Variants in FUT8 observed in about 807,000 individuals in gnomAD.
The protein encoded by FUT8 is alpha-(1,6)-fucosyltransferase.
FUT8 carries 29 observed loss-of-function variants against 71.3 expected under a neutral mutation model. The observed-to-expected ratio is 0.41, with a 90% CI of 0.30 to 0.55. The LOEUF is 0.55. Among genes scored for constraint, FUT8 ranks in the 20% least tolerant of loss-of-function variants. The pLI is 0.34. For synonymous variants in FUT8, 254 were observed against 239.3 expected, an observed-to-expected ratio of 1.06 and a Z score of -0.57; for missense variants, 544 against 702.1, an observed-to-expected ratio of 0.77 and a Z score of 2.55.
At chr14:65,407,823 G>A (rs1002943491), upstream of FUT8, among the ~76,000 whole-genome samples, 2 of 152,174 alleles carry the variant, frequency 1.3e-5, no homozygotes, top group Non-Finnish European at 2.9e-5. Flanking sequence ...GTCTGCCATC[G>A]CCAGTAGGTT....
intron 7 of FUT8, among the ~76,000 whole-genome samples, chr14:65,699,176 A>ACACACACACACACG (rs1475814150): frequency 6.7e-6 from 1 of 150,028 alleles, no homozygotes; most frequent in African/African-American, 2.5e-5. Flanking sequence ...ACACACACAC[A>ACACACACACACACG]CACACACACA....
At chr14:65,503,688 A>C (rs919081665) in intron 2 of FUT8, among the ~76,000 whole-genome samples, 1 of 151,944 alleles carries the variant, frequency 6.6e-6, no homozygotes, top group Non-Finnish European at 1.5e-5. Flanking sequence ...TTACAGACCT[A>C]GATTTTGAAA....
At chr14:65,718,284 C>G (rs951046661) in intron 7 of FUT8, among the ~76,000 whole-genome samples, 2 of 152,040 alleles carry the variant, frequency 1.3e-5, no homozygotes, top group African/African-American at 4.8e-5. Context: ...TAACTTATAG[C>G]TCGTTATTTT....
intron 2 of FUT8, among the ~76,000 whole-genome samples, chr14:65,493,065 A>G (rs2066505638): frequency 6.6e-6 from 1 of 152,144 alleles, no homozygotes. Flanking sequence ...ACAAGCGTGA[A>G]TCAGTGGCCA....
At chr14:65,650,093 A>G (rs868804717) in intron 6 of FUT8, among the ~76,000 whole-genome samples, 7 of 150,254 alleles carry the variant, frequency 4.7e-5, no homozygotes, top group Admixed American at 2.6e-4. Flanking sequence ...TCAGGAGATC[A>G]AGACCATCCT....
intron 1 of FUT8, among the ~76,000 whole-genome samples, chr14:65,436,628 CA>C (rs34862450): frequency 0.14 from 18,041 of 128,824 alleles, 1,294 homozygotes; most frequent in Middle Eastern, 0.19. Flanking sequence ...GACTCCCTCT[CA>C]AAAAAAAAAA....
At chr14:65,415,001 A>T (rs1368985635) in intron 1 of FUT8, among the ~76,000 whole-genome samples, 1 of 152,238 alleles carries the variant, frequency 6.6e-6, no homozygotes. Context: ...AATCGAAAAA[A>T]ACAAAACAAA....
At chr14:65,546,095 A>G (rs1256806359) in intron 2 of FUT8, among the ~76,000 whole-genome samples, 2 of 151,794 alleles carry the variant, frequency 1.3e-5, no homozygotes, top group Admixed American at 6.6e-5. Flanking sequence ...ATTTTTGTCA[A>G]CCTTATTGGA....
chr14:65,568,290 T>G (rs914260174), intron 3 of FUT8, among the ~76,000 whole-genome samples: 2 of 151,784 alleles, frequency 1.3e-5, no homozygotes, highest in Non-Finnish European at 2.9e-5. Flanking sequence ...ATATTGGTTG[T>G]GTTTTCTCCT....
At chr14:65,636,066 G>A (rs1890536683) in intron 6 of FUT8, among the ~76,000 whole-genome samples, 1 of 151,998 alleles carries the variant, frequency 6.6e-6, no homozygotes, top group African/African-American at 2.4e-5. Context: ...ATTTAAGCTA[G>A]GAGGGTTGTA....
intron 3 of FUT8, among the ~76,000 whole-genome samples, chr14:65,577,450 A>T (rs749970561): frequency 4.6e-5 from 7 of 152,178 alleles, no homozygotes; most frequent in South Asian, 2.1e-4. Context: ...CTTCACTTTA[A>T]AAATGGCAAT....
chr14:65,370,877 A>C, the FUT8 span, among the ~76,000 whole-genome samples: 3 of 152,196 alleles, frequency 2.0e-5, no homozygotes, highest in African/African-American at 7.2e-5. Context: ...GGACTTTTTA[A>C]CATTTGAACA....
chr14:65,657,924 T>C (rs1726328510), intron 6 of FUT8, among the ~76,000 whole-genome samples: 1 of 151,876 alleles, frequency 6.6e-6, no homozygotes, highest in South Asian at 2.1e-4. Context: ...CCCATAAATA[T>C]ATATACCTAC....
chr14:65,444,367 A>T (rs1359438562), intron 1 of FUT8, among the ~76,000 whole-genome samples: 1 of 152,218 alleles, frequency 6.6e-6, no homozygotes, highest in Non-Finnish European at 1.5e-5. Flanking sequence ...AATACAAAAA[A>T]GTATACAGCT....
chr14:65,532,424 G>A (rs142177073), intron 2 of FUT8, among the ~76,000 whole-genome samples: 1 of 152,032 alleles, frequency 6.6e-6, no homozygotes, highest in African/African-American at 2.4e-5. Context: ...CTTGTTGGCT[G>A]TATATATGTC....
At chr14:65,460,076 T>C (rs1448875698) in intron 2 of FUT8, among the ~76,000 whole-genome samples, 1 of 152,236 alleles carries the variant, frequency 6.6e-6, no homozygotes, top group African/African-American at 2.4e-5. Context: ...CTTTTTGCTC[T>C]ATATGTTTTC....
intron 2 of FUT8, 105 bp downstream of exon 2, chr14:65,455,823 C>G (rs1169309980): frequency 1.0e-5 from 4 of 393,294 alleles, no homozygotes; most frequent in Non-Finnish European, 1.8e-5. Flanking sequence ...ACCAGTAAAG[C>G]AGAAAGGCCA....
chr14:65,385,400 C>T, the FUT8 span, among the ~76,000 whole-genome samples: 1 of 152,134 alleles, frequency 6.6e-6, no homozygotes, highest in Non-Finnish European at 1.5e-5. Flanking sequence ...AAACTCTGAA[C>T]TCTTCTGAAT....
At chr14:65,390,308 C>T in the FUT8 span, among the ~76,000 whole-genome samples, 8 of 138,356 alleles carry the variant, frequency 5.8e-5, no homozygotes, top group African/African-American at 1.6e-4. Context: ...GGCGACAAAG[C>T]GAGACTTCGT....
Sources: allele counts gnomAD v4.1 joint callset (sites outside exome capture counted in the v4.1 genomes callset), GRCh38; gene constraint gnomAD v4.1.1; transcripts MANE v1.5; gene names NCBI Gene and HGNC (gene_info 2026-07-23, HGNC 2026-07-21).